TET2: variants seen among roughly 807,000 people sequenced by gnomAD.
TET2 encodes the protein methylcytosine dioxygenase TET2.
A neutral mutation model predicts 142.9 loss-of-function variants in TET2; 299 were observed. The observed-to-expected ratio is 2.09, with a 90% confidence interval of 1.90 to 2.30. The LOEUF is 2.30. Among genes scored for constraint, TET2 ranks in the 30% most tolerant of loss-of-function variants. TET2 has a pLI of 0.00. For missense variants in TET2, 2,418 were observed against 2,378.0 expected, an observed-to-expected ratio of 1.02 and a Z score of -0.35; for synonymous variants, 819 against 849.0, an observed-to-expected ratio of 0.96 and a Z score of 0.61.
At chr4:105,191,087 A>G (rs1010858380) in intron 2 of TET2, among the ~76,000 whole-genome samples, 1 of 152,166 alleles carries the variant, frequency 6.6e-6, no homozygotes, top group Non-Finnish European at 1.5e-5. Flanking sequence ...GAGTCTGGCT[A>G]TGTTGCCCAG....
chr4:105,275,925 C>T lies in TET2; in HGVS notation c.5415C>T (p.Asn1805=). 6.4e-7 allele frequency: 1 copy of T among 1,552,008 alleles called. No homozygotes were observed. The highest frequency in any genetic ancestry group is 2.4e-5 in the East Asian group (1 of 40,920). Reference sequence around the variant, plus strand: ...TATCAAAGATGCTTCCAGCTCTTAACCATGATAGAACTGCTTGTGTCCAAG... The same window carrying T: ...TATCAAAGATGCTTCCAGCTCTTAATCATGATAGAACTGCTTGTGTCCAAG... The part of the protein sequence containing the change: ...NGLSKMLPAL[N]HDRTACVQGG... Residue 1805 remains asparagine (N), a synonymous_variant, in exon 11 of 11, where the codon AAC becomes AAT. Coordinates refer to ENST00000380013, the MANE Select transcript of TET2 (RefSeq NM_001127208.3).
At chr4:105,249,507 T>C (rs942197819) in intron 6 of TET2, among the ~76,000 whole-genome samples, 2 of 152,242 alleles carry the variant, frequency 1.3e-5, no homozygotes, top group African/African-American at 4.8e-5. Flanking sequence ...TGTTTAACTT[T>C]TTGAAGAACT....
chr4:105,234,996 T>C lies in TET2; in HGVS notation c.1054T>C (p.Phe352Leu). Residue 352 changes from phenylalanine (F) to leucine (L), a missense_variant, in exon 3 of 11, where the codon TTC (phenylalanine) becomes CTC (leucine). Transcript: ENST00000380013. ...GTTKLASGEE[F>L]CSGSSSNLQA... ...CACAAAGCTAGCGTCTGGTGAAGAA[T>C]TCTGTTCAGGTTCCAGCAGCAATTT... The C allele has an allele frequency of 1.2e-6, 2 of 1,614,088 alleles. No homozygotes were observed. The highest frequency in any genetic ancestry group is 1.1e-5 in the South Asian group (1 of 91,072).
intron 2 of TET2, among the ~76,000 whole-genome samples, chr4:105,216,328 G>A (rs1727492141): frequency 6.6e-6 from 1 of 152,070 alleles, no homozygotes; most frequent in Non-Finnish European, 1.5e-5. Context: ...TTTAATCAAA[G>A]TTCTTTCATG....
At chr4:105,149,831 G>A (rs1723214067) in intron 1 of TET2, among the ~76,000 whole-genome samples, 2 of 152,186 alleles carry the variant, frequency 1.3e-5, no homozygotes, top group Admixed American at 1.3e-4. Context: ...TGAGGCAGTG[G>A]CACATGGTCC....
At chr4:105,237,454 C>A in intron 3 of TET2, 103 bp downstream of exon 3, 1 of 1,612,714 alleles carries the variant, frequency 6.2e-7, no homozygotes. Context: ...TTGAGTCTGG[C>A]AGCAATTTGT....
chr4:105,237,620 T>A, intron 3 of TET2: 1 of 1,452,024 alleles, frequency 6.9e-7, no homozygotes, highest in Non-Finnish European at 9.0e-7. Flanking sequence ...AAAATTTGAA[T>A]GTATCTGTTT....
At chr4:105,178,545 G>A (rs192779592) in intron 1 of TET2, among the ~76,000 whole-genome samples, 15 of 152,296 alleles carry the variant, frequency 9.8e-5, no homozygotes, top group Non-Finnish European at 2.2e-4. Flanking sequence ...CACCAATAGT[G>A]AACCCTAATG....
At chr4:105,222,611 A>T (rs1195154435) in intron 2 of TET2, among the ~76,000 whole-genome samples, 2 of 152,158 alleles carry the variant, frequency 1.3e-5, no homozygotes, top group Non-Finnish European at 2.9e-5. Flanking sequence ...GATTCTGGAT[A>T]TTAGCCCTTT....
upstream of TET2, chr4:105,145,896 G>A (rs1722997526): frequency 6.6e-6 from 1 of 152,192 alleles, no homozygotes; most frequent in Non-Finnish European, 1.5e-5. Flanking sequence ...GGGCCGGGGC[G>A]GGGAGAAACA....
chr4:105,240,912 TG>T (rs1310191150), intron 3 of TET2: 2 of 1,080,354 alleles, frequency 1.9e-6, no homozygotes, highest in African/African-American at 3.3e-5. Flanking sequence ...ATTCTGGGGG[TG>T]GGATAGAGCA....
chr4:105,154,221 C>T (rs1400478913), intron 1 of TET2, among the ~76,000 whole-genome samples: 1 of 152,174 alleles, frequency 6.6e-6, no homozygotes, highest in Non-Finnish European at 1.5e-5. Flanking sequence ...TTGCCCAACT[C>T]TTTGAATATG....
At position 105,261,844 on chromosome 4, in the gene TET2, A is replaced by G. The variant is rs1410438211; in HGVS notation, c.4040A>G (p.Asn1347Ser). 2 of 1,536,100 alleles carry G rather than the reference A, an allele frequency of 1.3e-6. No homozygotes were observed. Among genetic ancestry groups the G allele is most frequent in the Non-Finnish European group, 1.8e-6 (2 of 1,134,574 alleles). ...YKKLAPDAYN[N>S]QIEYEHRAPE... Reference sequence around the variant, plus strand: ...AAACTTGCACCTGATGCATATAATAATCAGGTAAGTTTAAATAATCATTGG... The same window carrying G: ...AAACTTGCACCTGATGCATATAATAGTCAGGTAAGTTTAAATAATCATTGG... Residue 1347 changes from asparagine to serine, a missense_variant, in exon 8 of 11, where the codon AAT (asparagine) becomes AGT (serine). Asn to Ser is a conservative substitution (Grantham distance 46). Coordinates refer to ENST00000380013, the MANE Select transcript of TET2 (RefSeq NM_001127208.3).
intron 2 of TET2, among the ~76,000 whole-genome samples, chr4:105,203,190 C>T (rs948483198): frequency 2.6e-5 from 4 of 152,130 alleles, no homozygotes; most frequent in South Asian, 2.1e-4. Context: ...GACATTTTTA[C>T]GTAAGATTTG....
intron 1 of TET2, among the ~76,000 whole-genome samples, chr4:105,163,407 G>A (rs1010442545): frequency 7.9e-5 from 12 of 152,162 alleles, no homozygotes; most frequent in Non-Finnish European, 1.5e-5. Flanking sequence ...GGACTTTAGA[G>A]ACTCAGTAAC....
intron 2 of TET2, among the ~76,000 whole-genome samples, chr4:105,231,611 A>C (rs1469782751): frequency 1.3e-5 from 2 of 152,194 alleles, no homozygotes; most frequent in Admixed American, 1.3e-4. Flanking sequence ...TGTAAACAAT[A>C]ACTTTAGCGT....
At chr4:105,271,906 TGAA>T (rs1353554121) in intron 9 of TET2, among the ~76,000 whole-genome samples, 1 of 152,080 alleles carries the variant, frequency 6.6e-6, no homozygotes, top group Non-Finnish European at 1.5e-5. Context: ...AGAAAAGAAA[TGAA>T]GAAAAGAGAA....
intron 1 of TET2, among the ~76,000 whole-genome samples, chr4:105,158,597 G>C (rs145084777): frequency 1.3e-5 from 2 of 152,036 alleles, no homozygotes; most frequent in South Asian, 2.1e-4. Flanking sequence ...TATATCTCTG[G>C]TTTTTATGTA....
intron 2 of TET2, among the ~76,000 whole-genome samples, chr4:105,206,752 A>G (rs904742010): frequency 1.3e-5 from 2 of 152,170 alleles, no homozygotes; most frequent in African/African-American, 4.8e-5. Context: ...GACTGTTTAA[A>G]TCATTTACTG....
Sources: gnomAD v4.1 joint callset for allele counts (sites outside exome capture counted in the v4.1 genomes callset) on GRCh38, gnomAD v4.1.1 for gene constraint, MANE v1.5 for transcripts, NCBI Gene and HGNC (gene_info 2026-07-23, HGNC 2026-07-21) for gene names.